USP42: variants seen among roughly 807,000 people sequenced by gnomAD.
The protein encoded by USP42 is ubiquitin carboxyl-terminal hydrolase 42.
USP42 carries 23 observed loss-of-function variants against 113.0 expected under a neutral mutation model. The ratio of observed to expected loss-of-function variants is 0.20; its 90% confidence interval spans 0.15 to 0.29. USP42 has a LOEUF of 0.29. Among genes scored for constraint, USP42 ranks in the 10% least tolerant of loss-of-function variants. The pLI, the probability that USP42 is intolerant of heterozygous loss-of-function variation, is 1.00. For synonymous variants in USP42, 933 were observed against 699.0 expected (o/e 1.33, Z -5.28); for missense variants, 2,174 against 1,779.8 (o/e 1.22, Z -3.99).
At chr7:6,128,958 C>G (rs917761744) in intron 3 of USP42, among the ~76,000 whole-genome samples, 17 of 152,222 alleles carry the variant, frequency 1.1e-4, no homozygotes, top group Non-Finnish European at 2.5e-4. Flanking sequence ...GTGGCTTGGA[C>G]TACAGCTGTG....
At chr7:6,130,990 G>A (rs1218661102) in intron 3 of USP42, among the ~76,000 whole-genome samples, 1 of 152,174 alleles carries the variant, frequency 6.6e-6, no homozygotes, top group Non-Finnish European at 1.5e-5. Context: ...GTGTGGTCCA[G>A]AGTTGCCTGG....
At chr7:6,098,191 C>A in the USP42 span, among the ~76,000 whole-genome samples, 1 of 150,298 alleles carries the variant, frequency 6.7e-6, no homozygotes, top group East Asian at 1.9e-4. Context: ...GCGTGAGCCA[C>A]CGCGCCCAGC....
At chr7:6,103,943 G>T (rs1203558527), upstream of USP42, among the ~76,000 whole-genome samples, 2 of 151,194 alleles carry the variant, frequency 1.3e-5, no homozygotes, top group African/African-American at 2.5e-5. Context: ...AATTAAGTGG[G>T]CGTGGTAGCG....
At position 6,155,027 on chromosome 7, in the gene USP42, A is replaced by G. The variant is rs1782357875; in HGVS notation, c.3473A>G (p.Lys1158Arg). 6.4e-7 allele frequency: 1 copy of G among 1,564,144 alleles called. No homozygotes were observed. Among genetic ancestry groups the G allele is most frequent in the Non-Finnish European group, 8.7e-7 (1 of 1,153,962 alleles). The change falls in exon 15 of 18, where the codon AAG becomes AGG. Residue 1158 changes from lysine (K) to arginine (R), a missense_variant. Coordinates refer to ENST00000306177, the MANE Select transcript of USP42 (RefSeq NM_032172.3). ...SDRFHEHENG[K>R]SRKRRHDSVE... is the part of the protein sequence containing the mutation. ...CGGTTTCACGAACACGAAAATGGAA[A>G]GTCCCGGAAACGGAGACACGACAGT...
At chr7:6,136,348 A>G (rs573266167) in intron 4 of USP42, among the ~76,000 whole-genome samples, 87 of 152,038 alleles carry the variant, frequency 5.7e-4, no homozygotes, top group African/African-American at 2.0e-3. Flanking sequence ...AAAAAACCGA[A>G]CCCGTCATGT....
intron 3 of USP42, among the ~76,000 whole-genome samples, chr7:6,117,443 C>T (rs574783613): frequency 1.3e-5 from 2 of 152,264 alleles, no homozygotes; most frequent in South Asian, 2.1e-4. Flanking sequence ...CTCCATTTGT[C>T]TATTGATGGG....
rs1782634223 is a variant in USP42 at position 6,159,265 on chromosome 7, G to A, written c.3944-185G>A. Among the ~76,000 whole-genome samples, 1 of 152,190 alleles carries A rather than the reference G, an allele frequency of 6.6e-6. No homozygotes were observed. Among genetic ancestry groups the A allele is most frequent in the South Asian group, 2.1e-4 (1 of 4,828 alleles). On this transcript the variant is annotated intron_variant, in intron 16 of 17. Transcript: ENST00000306177. This position sits in a 1 kb window ranked among gnomAD's most constrained non-coding sequence, Gnocchi z 4.1. ...TCATCACGTAAACCCTTTGACATCA[G>A]TAAAACCCTGGGAGCAGCCGCTGAG... is the stretch of plus-strand genomic sequence containing the variant.
chr7:6,144,043 A>G, intron 8 of USP42, 42 bp from the exon 9 acceptor site: 1 of 1,268,444 alleles, frequency 7.9e-7, no homozygotes, highest in Non-Finnish European at 1.1e-6. Flanking sequence ...AATTGTGTGT[A>G]TATATTCGTC....
chr7:6,131,072 G>A (rs970560607), intron 3 of USP42, among the ~76,000 whole-genome samples: 1 of 152,154 alleles, frequency 6.6e-6, no homozygotes, highest in Non-Finnish European at 1.5e-5. Flanking sequence ...GATGGAGAAG[G>A]AAGGGCTCTG....
chr7:6,091,751 AT>A, the USP42 span, among the ~76,000 whole-genome samples: 1 of 149,298 alleles, frequency 6.7e-6, no homozygotes, highest in Non-Finnish European at 1.5e-5. Context: ...TGGTAAAAAA[AT>A]TTTTTTGGAG....
Position 6,155,180 on chromosome 7 carries a change from G to C in USP42, c.3626G>C (p.Arg1209Pro), listed in dbSNP as rs1462963787. 5.9e-6 allele frequency: 9 copies of C among 1,533,710 alleles called. No individual in the cohort carries two copies. Among genetic ancestry groups the C allele is most frequent in the Middle Eastern group, 3.4e-4 (2 of 5,960 alleles). Residue 1209 changes from arginine to proline, a missense_variant, in exon 15 of 18, where the codon CGA (arginine) becomes CCA (proline). Transcript: ENST00000306177. ...KKKKKSKDKH[R>P]DRDSRHQQDS... ...AAAAAGAAATCCAAAGACAAACACCGAGACCGCGACTCCAGGTGAGCCTGG... is the reference window on the plus strand; with the variant it reads ...AAAAAGAAATCCAAAGACAAACACCCAGACCGCGACTCCAGGTGAGCCTGG...
chr7:6,095,763 G>A, the USP42 span, among the ~76,000 whole-genome samples: 1 of 150,812 alleles, frequency 6.6e-6, no homozygotes. Context: ...TCCTTTACTG[G>A]ATGGGTATTT....
intron 7 of USP42, among the ~76,000 whole-genome samples, chr7:6,141,698 A>G (rs894769368): frequency 6.6e-6 from 1 of 152,082 alleles, no homozygotes; most frequent in Non-Finnish European, 1.5e-5. Context: ...AGCTGGGACT[A>G]CAGCGACTGT....
chr7:6,119,925 C>A (rs530639628), intron 3 of USP42, among the ~76,000 whole-genome samples: 1 of 151,684 alleles, frequency 6.6e-6, no homozygotes, highest in Admixed American at 6.5e-5. Context: ...TGGTCTTGAA[C>A]TCCTACGCTT....
intron 3 of USP42, chr7:6,116,600 G>T (rs1281690891): frequency 5.7e-6 from 2 of 349,138 alleles, no homozygotes; most frequent in Non-Finnish European, 1.1e-5. Flanking sequence ...ACTTAATGGA[G>T]AATTTAAATT....
At chr7:6,107,671 A>C (rs1042237035) in intron 1 of USP42, among the ~76,000 whole-genome samples, 28 of 151,954 alleles carry the variant, frequency 1.8e-4, no homozygotes, top group Non-Finnish European at 8.8e-5. Context: ...GTCCTCCCAA[A>C]GTGCTGGGAT....
intron 14 of USP42, chr7:6,152,941 G>C: frequency 1.0e-6 from 1 of 985,014 alleles, no homozygotes; most frequent in Non-Finnish European, 1.2e-6. Flanking sequence ...GTCATCACTG[G>C]ACTTTTTTTC....
At chr7:6,152,912 G>A (rs763947743) in intron 14 of USP42, 217 of 985,244 alleles carry the variant, frequency 2.2e-4, no homozygotes, top group Non-Finnish European at 2.5e-4. Context: ...AGGGAGTCGA[G>A]AGGAAAGGAG....
At chr7:6,132,808 A>G (rs1248865452) in intron 3 of USP42, among the ~76,000 whole-genome samples, 2 of 152,084 alleles carry the variant, frequency 1.3e-5, no homozygotes, top group African/African-American at 2.4e-5. Flanking sequence ...AGTAGCTGGG[A>G]CCACAGGTGC....
Sources: allele counts gnomAD v4.1 joint callset (sites outside exome capture counted in the v4.1 genomes callset), GRCh38; gene constraint gnomAD v4.1.1; non-coding constraint Gnocchi (gnomAD v3.1); transcripts MANE v1.5; gene names NCBI Gene and HGNC (gene_info 2026-07-23, HGNC 2026-07-21).